The following LUZP2 variants were observed in gnomAD, a reference collection of about 807,000 sequenced individuals.
LUZP2 encodes leucine zipper protein 2.
A neutral mutation model predicts 51.6 loss-of-function variants in LUZP2; 52 were observed. That is an observed-to-expected ratio of 1.01 (90% CI 0.81 to 1.27). The LOEUF is 1.27. LUZP2 is among the 50% of genes most tolerant of loss of function. The pLI is 0.00. For missense variants in LUZP2, 436 were observed against 395.4 expected, an observed-to-expected ratio of 1.10 and a Z score of -0.87; for synonymous variants, 154 against 137.3, an observed-to-expected ratio of 1.12 and a Z score of -0.85.
At chr11:24,731,547 A>G (rs1384910224) in intron 2 of LUZP2, among the ~76,000 whole-genome samples, 1 of 151,788 alleles carries the variant, frequency 6.6e-6, no homozygotes, top group Non-Finnish European at 1.5e-5. Context: ...AACACTAAGG[A>G]CTGAAGTAGT....
At chr11:24,998,042 G>A (rs567339931) in intron 9 of LUZP2, among the ~76,000 whole-genome samples, 228 of 152,270 alleles carry the variant, frequency 1.5e-3, no homozygotes, top group African/African-American at 5.2e-3. Flanking sequence ...ATAGTTTGAA[G>A]TCAGGTAGCG....
intron 5 of LUZP2, among the ~76,000 whole-genome samples, chr11:24,775,516 C>T (rs1374202581): frequency 6.6e-6 from 1 of 152,042 alleles, no homozygotes; most frequent in African/African-American, 2.4e-5. Flanking sequence ...CTTTCTACTT[C>T]TCAAGGGTGT....
At chr11:24,960,789 C>A (rs376454551) in intron 7 of LUZP2, among the ~76,000 whole-genome samples, 1 of 152,080 alleles carries the variant, frequency 6.6e-6, no homozygotes, top group African/African-American at 2.4e-5. Context: ...CTTCTGCTAG[C>A]TTTTGAATGT....
intron 3 of LUZP2, among the ~76,000 whole-genome samples, chr11:24,733,765 A>G (rs1858820235): frequency 6.6e-6 from 1 of 151,778 alleles, no homozygotes; most frequent in African/African-American, 2.4e-5. Flanking sequence ...TAAAAAAACC[A>G]TGAAAAGAGA....
chr11:24,847,493 AAC>A (rs1282593647), intron 5 of LUZP2, among the ~76,000 whole-genome samples: 4 of 152,142 alleles, frequency 2.6e-5, no homozygotes, highest in Admixed American at 2.6e-4. Flanking sequence ...AGGGCAGAAA[AAC>A]ACAGAAATAA....
intron 5 of LUZP2, among the ~76,000 whole-genome samples, chr11:24,822,183 A>G (rs770945485): frequency 2.0e-5 from 3 of 152,126 alleles, no homozygotes; most frequent in Non-Finnish European, 4.4e-5. Context: ...TATTTCCCCT[A>G]CTATAGAAGT....
intron 1 of LUZP2, among the ~76,000 whole-genome samples, chr11:24,618,704 G>A (rs1193406717): frequency 2.6e-5 from 4 of 152,054 alleles, no homozygotes; most frequent in East Asian, 1.9e-4. Flanking sequence ...TTCATCAGTC[G>A]GTCTGCTTTC....
At chr11:25,068,493 A>G (rs918465449) in intron 10 of LUZP2, among the ~76,000 whole-genome samples, 17 of 152,078 alleles carry the variant, frequency 1.1e-4, no homozygotes, top group Admixed American at 3.3e-4. Flanking sequence ...GAGAGAAGAA[A>G]AATGGTGCTG....
At chr11:24,582,299 ATTTTTTTT>A (rs67262111) in intron 1 of LUZP2, among the ~76,000 whole-genome samples, 65 of 54,552 alleles carry the variant, frequency 1.2e-3, no homozygotes, top group African/African-American at 3.9e-3. Flanking sequence ...TCCCTAGCTG[ATTTTTTTT>A]TTTTTTTTTT....
rs1253583282 is a variant in LUZP2 at position 24,497,217 on chromosome 11, G to A, written c.-27G>A. ...GAAGAGAGAGAGAGAAGGCAGCGAG[G>A]GAAGGAGGACCCCGGCAGGCAGCAG... On this transcript the variant is annotated 5_prime_UTR_variant, in exon 1 of 12. Coordinates refer to ENST00000336930, the MANE Select transcript of LUZP2 (RefSeq NM_001009909.4). 1.3e-6 allele frequency: 2 copies of A among 1,511,780 alleles called. No individual in the cohort carries two copies. Among genetic ancestry groups the A allele is most frequent in the Admixed American group, 2.0e-5 (1 of 51,160 alleles). The allele number at this position is 1,511,780 out of a possible 1,614,324, so 93.6% of individuals were successfully genotyped here. A position where few individuals can be genotyped will look rare whatever the true frequency, so the allele number is the denominator to read the frequency against.
intron 5 of LUZP2, among the ~76,000 whole-genome samples, chr11:24,886,017 T>C (rs1176192006): frequency 6.6e-6 from 1 of 152,114 alleles, no homozygotes; most frequent in Non-Finnish European, 1.5e-5. Context: ...CTGCCACCAG[T>C]AGGATAATGC....
intron 5 of LUZP2, among the ~76,000 whole-genome samples, chr11:24,865,056 A>T (rs146594106): frequency 8.5e-5 from 13 of 152,282 alleles, no homozygotes; most frequent in African/African-American, 2.9e-4. Context: ...TGATGCTGGC[A>T]GACATGGTCA....
At chr11:25,053,828 G>A (rs531179181) in intron 10 of LUZP2, among the ~76,000 whole-genome samples, 1 of 152,220 alleles carries the variant, frequency 6.6e-6, no homozygotes, top group African/African-American at 2.4e-5. Context: ...GAATTGCTGG[G>A]TTTGATGATA....
At chr11:24,696,054 T>A (rs897065120) in intron 1 of LUZP2, among the ~76,000 whole-genome samples, 2 of 152,026 alleles carry the variant, frequency 1.3e-5, no homozygotes, top group African/African-American at 4.8e-5. Context: ...AGCTTATATT[T>A]GGGAAGGACA....
intron 1 of LUZP2, among the ~76,000 whole-genome samples, chr11:24,652,723 T>C (rs1161549669): frequency 1.3e-5 from 2 of 152,154 alleles, no homozygotes; most frequent in African/African-American, 4.8e-5. Flanking sequence ...ATAATTCAGA[T>C]GTCAACAATA....
intron 7 of LUZP2, among the ~76,000 whole-genome samples, chr11:24,940,881 G>A (rs1385097344): frequency 6.6e-6 from 1 of 152,104 alleles, no homozygotes; most frequent in Non-Finnish European, 1.5e-5. Context: ...GATAAGGTAT[G>A]TGAATCTACA....
chr11:24,863,938 T>C lies in LUZP2; in HGVS notation c.397-42053T>C, dbSNP rs145276834. On this transcript the variant is annotated intron_variant, in intron 5 of 11. Coordinates refer to ENST00000336930, the MANE Select transcript of LUZP2 (RefSeq NM_001009909.4). ...ATTCTTTTAAGACAATTGAACAAAT[T>C]GTAATTATAACAGGATTATTTTCTG... is the stretch of plus-strand genomic sequence containing the variant. 1.4e-4 allele frequency among the ~76,000 whole-genome samples: 21 copies of C among 152,278 alleles called. No individual in the cohort carries two copies. In the East Asian group the frequency reaches 4.1e-3, roughly 29 times the overall value.
intron 1 of LUZP2, among the ~76,000 whole-genome samples, chr11:24,537,434 A>G (rs1468563677): frequency 2.6e-5 from 4 of 151,966 alleles, no homozygotes; most frequent in Non-Finnish European, 5.9e-5. Context: ...ACAACTCTCG[A>G]ATCACGTAAG....
At chr11:24,507,896 T>A (rs948754320) in intron 1 of LUZP2, among the ~76,000 whole-genome samples, 1 of 152,000 alleles carries the variant, frequency 6.6e-6, no homozygotes, top group African/African-American at 2.4e-5. Flanking sequence ...TGTGCAACTA[T>A]GCCAGTCATA....
Sources: gnomAD v4.1 joint callset for allele counts (sites outside exome capture counted in the v4.1 genomes callset) on GRCh38, gnomAD v4.1.1 for gene constraint, MANE v1.5 for transcripts, NCBI Gene and HGNC (gene_info 2026-07-23, HGNC 2026-07-21) for gene names.